Variants in MICU3 observed in about 807,000 individuals in gnomAD.
MICU3 encodes calcium uptake protein 3, mitochondrial.
MICU3 carries 62 observed loss-of-function variants against 66.5 expected under a neutral mutation model. The ratio of observed to expected loss-of-function variants is 0.93; its 90% confidence interval spans 0.76 to 1.15. MICU3 has a LOEUF of 1.15. MICU3 is among the 50% of genes most tolerant of loss of function. The pLI is 0.00. For missense variants in MICU3, 779 were observed against 664.4 expected (o/e 1.17, Z -1.90); for synonymous variants, 308 against 240.7 (o/e 1.28, Z -2.59).
chr8:17,036,880 G>A (rs1307384201), intron 1 of MICU3, among the ~76,000 whole-genome samples: 1 of 152,228 alleles, frequency 6.6e-6, no homozygotes, highest in Non-Finnish European at 1.5e-5. Context: ...GGTGCTCGTT[G>A]GGGAGGCTTG....
chr8:17,061,823 C>T (rs17686740), intron 1 of MICU3, among the ~76,000 whole-genome samples: 10,284 of 152,176 alleles, frequency 0.068, 542 homozygotes, highest in East Asian at 0.26. Context: ...GTCTGATCCC[C>T]GAGGACCATT....
intron 1 of MICU3, among the ~76,000 whole-genome samples, chr8:17,037,452 G>A (rs1318563556): frequency 6.6e-6 from 1 of 152,220 alleles, no homozygotes; most frequent in Non-Finnish European, 1.5e-5. Context: ...GGCCAATGTA[G>A]AGCTCAGGCC....
chr8:17,120,081 G>GTA (rs1261526604), intron 14 of MICU3, among the ~76,000 whole-genome samples: 2 of 152,150 alleles, frequency 1.3e-5, no homozygotes, highest in Admixed American at 1.3e-4. Flanking sequence ...CCTGGAAGTG[G>GTA]CTACCTTTCT....
At chr8:17,046,237 C>G (rs1028046903) in intron 1 of MICU3, among the ~76,000 whole-genome samples, 13 of 152,234 alleles carry the variant, frequency 8.5e-5, no homozygotes, top group Non-Finnish European at 1.2e-4. Flanking sequence ...TGGGATCTAG[C>G]ACTATCTCCA....
chr8:17,106,348 A>G (rs371144626), intron 11 of MICU3, among the ~76,000 whole-genome samples: 21,904 of 145,234 alleles, frequency 0.15, 1,651 homozygotes, highest in South Asian at 0.27. Context: ...CTAAGGAATG[A>G]AAAAAAAAAA....
At chr8:17,061,438 T>C (rs1817808196) in intron 1 of MICU3, among the ~76,000 whole-genome samples, 1 of 151,802 alleles carries the variant, frequency 6.6e-6, no homozygotes. Context: ...AGCTGGGGGA[T>C]TGTTAGACTA....
At chr8:17,075,015 C>T (rs1426093569) in intron 3 of MICU3, among the ~76,000 whole-genome samples, 1 of 152,018 alleles carries the variant, frequency 6.6e-6, no homozygotes, top group Non-Finnish European at 1.5e-5. Flanking sequence ...CCACAGCTCC[C>T]CTCAGGTTTA....
chr8:17,055,963 G>T (rs923540947), intron 1 of MICU3, among the ~76,000 whole-genome samples: 2 of 152,186 alleles, frequency 1.3e-5, no homozygotes, highest in African/African-American at 2.4e-5. Flanking sequence ...AGTCCTCCCA[G>T]TATGAAAGTT....
At chr8:17,069,151 A>G (rs981107492) in intron 2 of MICU3, among the ~76,000 whole-genome samples, 1 of 152,052 alleles carries the variant, frequency 6.6e-6, no homozygotes, top group Non-Finnish European at 1.5e-5. Context: ...GAGTAATGAA[A>G]CAGGACAAGT....
chr8:17,072,822 T>C (rs1819803453), intron 3 of MICU3, among the ~76,000 whole-genome samples: 1 of 152,174 alleles, frequency 6.6e-6, no homozygotes, highest in South Asian at 2.1e-4. Flanking sequence ...TCCAGAAATC[T>C]GACAATACCC....
At chr8:17,041,106 A>T (rs779966622) in intron 1 of MICU3, among the ~76,000 whole-genome samples, 32 of 152,294 alleles carry the variant, frequency 2.1e-4, no homozygotes, top group Admixed American at 1.0e-3. Flanking sequence ...TAGATTTGGG[A>T]ATCATCACGT....
chr8:17,028,218 T>A (rs147344111), intron 1 of MICU3, among the ~76,000 whole-genome samples: 1 of 152,308 alleles, frequency 6.6e-6, no homozygotes, highest in African/African-American at 2.4e-5. Flanking sequence ...AATAAAAAAT[T>A]GTTCAAAAAG....
intron 1 of MICU3, among the ~76,000 whole-genome samples, chr8:17,039,741 C>G (rs1040568894): frequency 3.3e-5 from 5 of 151,240 alleles, no homozygotes; most frequent in Non-Finnish European, 7.4e-5. Context: ...TATTTTCTAC[C>G]CAAAGATTAA....
rs2150738864 is a variant in MICU3 at position 17,085,297 on chromosome 8, G to A, written c.756G>A (p.Val252=). 1 of 1,608,286 alleles carries A rather than the reference G, an allele frequency of 6.2e-7. No homozygotes were observed. The highest frequency in any genetic ancestry group is 8.5e-7 in the Non-Finnish European group (1 of 1,176,078). ...NMFDTDGNEM[V]DKKEFLVLQE... ...TTGACACTGATGGCAATGAGATGGT[G>A]GATAAAAAAGAGTTTTTGGTGGTAT... The change falls in exon 6 of 15, where the codon GTG becomes GTA. Residue 252 remains valine, a synonymous_variant. Coordinates refer to ENST00000318063, the MANE Select transcript of MICU3 (RefSeq NM_181723.3).
downstream of MICU3, among the ~76,000 whole-genome samples, chr8:17,123,611 G>A (rs897364217): frequency 3.9e-5 from 6 of 152,054 alleles, no homozygotes; most frequent in African/African-American, 1.4e-4. Flanking sequence ...TGTAAGTTTG[G>A]GGGCAGCATC....
chr8:17,073,603 C>T (rs944833929), intron 3 of MICU3, among the ~76,000 whole-genome samples: 1 of 152,104 alleles, frequency 6.6e-6, no homozygotes, highest in African/African-American at 2.4e-5. Flanking sequence ...CTTGAATCAT[C>T]CCCAGAACAT....
intron 4 of MICU3, 31 bp from the exon 5 acceptor site, chr8:17,081,662 A>G (rs1255515873): frequency 7.7e-6 from 5 of 649,800 alleles, no homozygotes; most frequent in Admixed American, 8.1e-5. Flanking sequence ...ACAATATTTT[A>G]TATATATAAC....
At chr8:17,125,129 G>GTATATCCTGTAA (rs1554542717), downstream of MICU3, among the ~76,000 whole-genome samples, 2 of 150,742 alleles carry the variant, frequency 1.3e-5, no homozygotes, top group South Asian at 4.2e-4. Flanking sequence ...TCTCCTATGA[G>GTATATCCTGTAA]TATAGCCTGT....
chr8:17,043,641 A>G (rs1814589023), intron 1 of MICU3, among the ~76,000 whole-genome samples: 1 of 152,216 alleles, frequency 6.6e-6, no homozygotes, highest in Non-Finnish European at 1.5e-5. Flanking sequence ...AATGGGTCAC[A>G]TTAGGATTTT....
Sources: allele counts gnomAD v4.1 joint callset (sites outside exome capture counted in the v4.1 genomes callset), GRCh38; gene constraint gnomAD v4.1.1; transcripts MANE v1.5; gene names NCBI Gene and HGNC (gene_info 2026-07-23, HGNC 2026-07-21).